The following GREM2 variants were observed in gnomAD, a reference collection of about 807,000 sequenced individuals.
The protein encoded by GREM2 is gremlin-2.
GREM2 carries 11 observed loss-of-function variants against 14.2 expected under a neutral mutation model. That is an observed-to-expected ratio of 0.78 (90% CI 0.49 to 1.28). GREM2 has a LOEUF of 1.28. GREM2 is among the 50% of genes most tolerant of loss of function. The pLI is 0.00. For missense variants in GREM2, 210 were observed against 218.5 expected (o/e 0.96, Z 0.24); for synonymous variants, 98 against 97.6 (o/e 1.00, Z -0.02).
At chr1:240,499,084 G>C (rs1219017609) in intron 1 of GREM2, among the ~76,000 whole-genome samples, 1 of 152,222 alleles carries the variant, frequency 6.6e-6, no homozygotes, top group East Asian at 1.9e-4. Flanking sequence ...TCCATCACAG[G>C]CCCCTTCTAT....
intron 1 of GREM2, among the ~76,000 whole-genome samples, chr1:240,507,568 A>AAG (rs1677708018): frequency 6.6e-6 from 1 of 152,136 alleles, no homozygotes; most frequent in Admixed American, 6.5e-5. Flanking sequence ...CCTGACCTCA[A>AAG]GTGATACGCC....
At chr1:240,579,094 T>G (rs1679431906) in intron 1 of GREM2, among the ~76,000 whole-genome samples, 1 of 152,162 alleles carries the variant, frequency 6.6e-6, no homozygotes, top group African/African-American at 2.4e-5. Context: ...CTTTAGGGGA[T>G]GGGAGATGAA....
intron 1 of GREM2, among the ~76,000 whole-genome samples, chr1:240,495,033 G>T (rs1305521381): frequency 6.6e-6 from 1 of 152,258 alleles, no homozygotes; most frequent in African/African-American, 2.4e-5. Context: ...GAATTGGACA[G>T]AAATTATTCT....
At chr1:240,564,575 T>A (rs1261070453) in intron 1 of GREM2, among the ~76,000 whole-genome samples, 1 of 151,942 alleles carries the variant, frequency 6.6e-6, no homozygotes, top group Admixed American at 6.6e-5. Context: ...GATGATGATT[T>A]TAAGTTGTGT....
rs1021202457 is a variant in GREM2, at chr1:240,578,622, C to A, written c.-2+33262G>T. 3.3e-5 allele frequency among the ~76,000 whole-genome samples: 5 copies of A among 151,306 alleles called. 1 individual carries two copies. Among genetic ancestry groups the A allele is most frequent in the African/African-American group, 1.2e-4 (5 of 41,220 alleles). On this transcript the variant is annotated intron_variant, in intron 1 of 1. Transcript: ENST00000318160. ...CAATGTGGTGAAACCCTGTCTCTACCAAAAATACAAAAATTAGCCAAGTGT... is the reference window on the plus strand; with the variant it reads ...CAATGTGGTGAAACCCTGTCTCTACAAAAAATACAAAAATTAGCCAAGTGT...
intron 1 of GREM2, among the ~76,000 whole-genome samples, chr1:240,525,805 C>T (rs577909338): frequency 2.0e-5 from 3 of 152,214 alleles, no homozygotes; most frequent in Non-Finnish European, 4.4e-5. Context: ...AGAGTTCTGT[C>T]GGTTAGAAAT....
chr1:240,497,554 C>T (rs1005355516), intron 1 of GREM2, among the ~76,000 whole-genome samples: 7 of 148,642 alleles, frequency 4.7e-5, no homozygotes, highest in Non-Finnish European at 5.9e-5. Context: ...TTCCTCAGGG[C>T]GATGATATGG....
intron 1 of GREM2, among the ~76,000 whole-genome samples, chr1:240,513,314 C>T (rs927585780): frequency 4.6e-5 from 7 of 152,150 alleles, no homozygotes; most frequent in Admixed American, 6.6e-5. Flanking sequence ...CAGTGGCTCA[C>T]GCCTGTAATC....
Position 240,493,941 on chromosome 1 carries a change from T to C in GREM2, c.-1-465A>G, listed in dbSNP as rs572210280. 1.9e-4 allele frequency among the ~76,000 whole-genome samples: 29 copies of C among 152,350 alleles called. No homozygotes were observed. The South Asian group carries it at 5.4e-3, about 28-fold the overall frequency. On this transcript the variant is annotated intron_variant, in intron 1 of 1. Coordinates refer to ENST00000318160, the MANE Select transcript of GREM2 (RefSeq NM_022469.4). Reference sequence around the variant, plus strand: ...ATTAAATGGTACAAGTGTAGGCAGTTAGGACTGCACCCCAAATAATGCCTG... The same window carrying C: ...ATTAAATGGTACAAGTGTAGGCAGTCAGGACTGCACCCCAAATAATGCCTG...
rs1392337417 is a variant in GREM2, at chr1:240,496,608, T to C, written c.-1-3132A>G. Among the ~76,000 whole-genome samples, 22 of 152,226 alleles carry C rather than the reference T, an allele frequency of 1.4e-4. 1 individual carries two copies. The highest frequency in any genetic ancestry group is 4.4e-5 in the Non-Finnish European group (3 of 68,038). On this transcript the variant is annotated intron_variant, in intron 1 of 1. Coordinates refer to ENST00000318160, the MANE Select transcript of GREM2 (RefSeq NM_022469.4). ...CATAATCACACTTGTCTTTCTTGTC[T>C]GACTTTTCTCCTGGGAATGTAAGGT...
intron 1 of GREM2, among the ~76,000 whole-genome samples, chr1:240,564,258 C>A (rs1342932240): frequency 6.6e-6 from 1 of 151,694 alleles, no homozygotes; most frequent in Non-Finnish European, 1.5e-5. Context: ...GTAATCCCAG[C>A]ATTTTGGGAC....
chr1:240,601,436 C>T (rs965168022), intron 1 of GREM2, among the ~76,000 whole-genome samples: 1 of 152,060 alleles, frequency 6.6e-6, no homozygotes, highest in Non-Finnish European at 1.5e-5. Context: ...GACATAGAGC[C>T]AAAGTTATTA....
At chr1:240,541,752 A>G (rs1011675030) in intron 1 of GREM2, among the ~76,000 whole-genome samples, 9 of 151,818 alleles carry the variant, frequency 5.9e-5, no homozygotes, top group Non-Finnish European at 1.2e-4. Flanking sequence ...TGAAGAACTG[A>G]TGCAATGTAT....
intron 1 of GREM2, among the ~76,000 whole-genome samples, chr1:240,560,672 C>A (rs923313363): frequency 6.6e-6 from 1 of 152,152 alleles, no homozygotes; most frequent in Non-Finnish European, 1.5e-5. Flanking sequence ...TTACTATTTT[C>A]TTCTAACCCT....
intron 1 of GREM2, among the ~76,000 whole-genome samples, chr1:240,504,176 A>C (rs1403671872): frequency 3.9e-5 from 6 of 152,212 alleles, no homozygotes; most frequent in Non-Finnish European, 8.8e-5. Context: ...TTAAAAATGG[A>C]ATATTTGAAA....
chr1:240,550,361 AC>A (rs1398260206), intron 1 of GREM2: 1 of 152,102 alleles, frequency 6.6e-6, no homozygotes, highest in East Asian at 1.9e-4. Context: ...ATTTGCCGAA[AC>A]CCCCAATTAA....
intron 1 of GREM2, chr1:240,550,403 TAAAACAAAC>T (rs1460218107): frequency 7.5e-6 from 1 of 134,212 alleles, no homozygotes; most frequent in Non-Finnish European, 1.7e-5. Context: ...AATGATTTGT[TAAAACAAAC>T]AAACAAACAA....
intron 1 of GREM2, among the ~76,000 whole-genome samples, chr1:240,589,329 G>C (rs868725725): frequency 3.3e-5 from 5 of 151,996 alleles, no homozygotes; most frequent in Non-Finnish European, 5.9e-5. Flanking sequence ...CAGCTACTCG[G>C]GGGTCTGAGG....
intron 1 of GREM2, among the ~76,000 whole-genome samples, chr1:240,604,478 G>T (rs946154192): frequency 6.6e-6 from 1 of 152,120 alleles, no homozygotes; most frequent in Non-Finnish European, 1.5e-5. Flanking sequence ...TGAGACTCTG[G>T]TATCAACTGT....
Sources: gnomAD v4.1 joint callset for allele counts (sites outside exome capture counted in the v4.1 genomes callset) on GRCh38, gnomAD v4.1.1 for gene constraint, MANE v1.5 for transcripts, NCBI Gene and HGNC (gene_info 2026-07-23, HGNC 2026-07-21) for gene names.